MRTFB: variants seen among roughly 807,000 people sequenced by gnomAD.
MRTFB encodes myocardin related transcription factor B.
In MRTFB, 29 loss-of-function variants were observed where a neutral mutation model predicts 104.2. The ratio of observed to expected loss-of-function variants is 0.28; its 90% CI spans 0.21 to 0.38. The LOEUF (loss-of-function observed/expected upper bound fraction) is 0.38. Ranked by LOEUF, MRTFB falls within the 10% of genes least tolerant of loss-of-function variation. MRTFB has a pLI of 1.00. For missense variants in MRTFB, 1,270 were observed against 1,341.6 expected, an observed-to-expected ratio of 0.95 and a Z score of 0.83; for synonymous variants, 535 against 519.5, an observed-to-expected ratio of 1.03 and a Z score of -0.41.
chr16:14,142,092 A>G (rs9935889), intron 3 of MRTFB: 35,409 of 149,442 alleles, frequency 0.24, 7,859 homozygotes, highest in African/African-American at 0.58. Flanking sequence ...ACCCGCCTCG[A>G]CCTCCCAAAG....
At chr16:14,014,045 A>G in the MRTFB span, among the ~76,000 whole-genome samples, 1 of 152,208 alleles carries the variant, frequency 6.6e-6, no homozygotes, top group Non-Finnish European at 1.5e-5. Context: ...TCCACCATGA[A>G]AATATTCCCT....
At chr16:14,238,486 G>T (rs766658345) in intron 9 of MRTFB, among the ~76,000 whole-genome samples, 1 of 152,164 alleles carries the variant, frequency 6.6e-6, no homozygotes, top group East Asian at 1.9e-4. Context: ...GACAAAATAC[G>T]TGGTGGGTAT....
At chr16:14,144,779 C>A (rs1226415032) in intron 3 of MRTFB, 3 of 151,574 alleles carry the variant, frequency 2.0e-5, no homozygotes, top group Non-Finnish European at 4.4e-5. Flanking sequence ...GAAACCCCGT[C>A]TCTACTAAAA....
rs1410862503 is a variant in MRTFB at position 14,261,518 on chromosome 16, T to C, written c.*74T>C. Reference sequence around the variant, plus strand: ...ATTCTAAAAGGTCAGTTTTTAGAGATAGATCTATAGTTGCATTGTTGCAAT... The same window carrying C: ...ATTCTAAAAGGTCAGTTTTTAGAGACAGATCTATAGTTGCATTGTTGCAAT... On this transcript the variant is annotated 3_prime_UTR_variant, in exon 17 of 17. Coordinates refer to ENST00000571589, the MANE Select transcript of MRTFB (RefSeq NM_001308142.2). 14 of 1,388,758 alleles carry C rather than the reference T, an allele frequency of 1.0e-5. No individual in the cohort carries two copies. The highest frequency in any genetic ancestry group is 2.1e-4 in the Middle Eastern group (1 of 4,766). 86.0% of individuals were successfully genotyped at this position (1,388,758 alleles called of 1,614,324 possible).
In MRTFB at chr16:14,260,770, T is replaced by G; in HGVS notation, c.2765-139T>G. 4.4e-6 allele frequency: 3 copies of G among 678,922 alleles called. No homozygotes were observed. The South Asian group carries it at 6.0e-5, about 14-fold the overall frequency. 42.1% of individuals were successfully genotyped at this position (678,922 alleles called of 1,614,324 possible). A position where few individuals can be genotyped will look rare whatever the true frequency, so the allele number is the denominator to read the frequency against. On this transcript the variant is annotated intron_variant, in intron 16 of 16. Transcript: ENST00000571589. ...GTTGTCAAGGATTGTACCTGACCAATAGCATTCTCTTCCTACTTCTAAGAC... is the reference window on the plus strand; with the variant it reads ...GTTGTCAAGGATTGTACCTGACCAAGAGCATTCTCTTCCTACTTCTAAGAC...
At position 14,169,945 on chromosome 16, in the gene MRTFB, A is replaced by G. The variant is rs151075154; in HGVS notation, c.154+29185A>G. Among the ~76,000 whole-genome samples, 549 of 152,340 alleles carry G rather than the reference A, an allele frequency of 3.6e-3. 2 individuals are homozygous for G. Among genetic ancestry groups the G allele is most frequent in the Middle Eastern group, 6.8e-3 (2 of 294 alleles). ...TTAGGGGTTGGCCTTTTTTCATCAT[A>G]GATATAACACATGTTCATTATAGAC... On this transcript the variant is annotated intron_variant, in intron 3 of 16. Transcript: ENST00000571589.
intron 2 of MRTFB, among the ~76,000 whole-genome samples, chr16:14,134,502 C>T (rs1193066840): frequency 6.6e-6 from 1 of 152,198 alleles, no homozygotes; most frequent in South Asian, 2.1e-4. Flanking sequence ...TTTCCTTCAT[C>T]GGCCATGAAG....
chr16:14,056,904 C>A, the MRTFB span, among the ~76,000 whole-genome samples: 1 of 152,128 alleles, frequency 6.6e-6, no homozygotes, highest in Admixed American at 6.6e-5. Flanking sequence ...TCCCTCTTTC[C>A]CCTGTTTGTA....
chr16:14,213,763 C>A, intron 6 of MRTFB, 143 bp downstream of exon 6: 1 of 563,142 alleles, frequency 1.8e-6, no homozygotes, highest in Non-Finnish European at 3.0e-6. Flanking sequence ...CATGAAGACC[C>A]AAAACTAAAA....
intron 2 of MRTFB, among the ~76,000 whole-genome samples, chr16:14,098,383 T>G (rs540320577): frequency 6.6e-6 from 1 of 152,198 alleles, no homozygotes; most frequent in Non-Finnish European, 1.5e-5. Context: ...TGGTAAAGTA[T>G]CAAATCTTTT....
At chr16:14,240,718 G>C (rs778915124) in intron 10 of MRTFB, 1 of 804,928 alleles carries the variant, frequency 1.2e-6, no homozygotes, top group South Asian at 1.3e-5. Context: ...AGTTAGAAAT[G>C]CCTTTTCACA....
chr16:14,246,969 A>G lies in MRTFB; in HGVS notation c.1709A>G (p.Lys570Arg). The G allele has an allele frequency of 6.2e-7, 1 of 1,614,140 alleles. No individual in the cohort carries two copies. The highest frequency in any genetic ancestry group is 8.5e-7 in the Non-Finnish European group (1 of 1,180,046). Residue 570 changes from lysine (K) to arginine (R), a missense_variant, in exon 12 of 17, where the codon AAG (lysine) becomes AGG (arginine). This residue lies in a region of MRTFB where 1,144 missense variants were observed against 1,131.5 expected (regional missense o/e 1.01). Transcript: ENST00000571589. ...AACCTGGAACTGGATGCAGCCGAAA[A>G]GGATCGCAAGCTTCAGGAGAAAGAG... is the stretch of plus-strand genomic sequence containing the variant. The part of the protein sequence containing the change: ...LSNLELDAAE[K>R]DRKLQEKEKQ...
chr16:14,016,598 C>T, the MRTFB span, among the ~76,000 whole-genome samples: 4 of 151,886 alleles, frequency 2.6e-5, no homozygotes, highest in Non-Finnish European at 4.4e-5. Context: ...CATGGAGAAA[C>T]GCTGTCTCTA....
At chr16:14,005,814 C>G in the MRTFB span, among the ~76,000 whole-genome samples, 2 of 152,216 alleles carry the variant, frequency 1.3e-5, no homozygotes, top group Non-Finnish European at 2.9e-5. Flanking sequence ...TGTCCAGTTT[C>G]TGCAGCATTG....
At chr16:14,091,289 A>G (rs767173249) in intron 2 of MRTFB, among the ~76,000 whole-genome samples, 1 of 152,176 alleles carries the variant, frequency 6.6e-6, no homozygotes, top group Non-Finnish European at 1.5e-5. Flanking sequence ...CAGAAACCTC[A>G]CTCAAACTAT....
At chr16:14,014,942 C>T in the MRTFB span, among the ~76,000 whole-genome samples, 2 of 152,184 alleles carry the variant, frequency 1.3e-5, no homozygotes, top group Admixed American at 1.3e-4. Context: ...TCCCCCAACA[C>T]CTCCACACTC....
At chr16:14,256,687 G>A (rs1044785934) in intron 15 of MRTFB, among the ~76,000 whole-genome samples, 5 of 152,166 alleles carry the variant, frequency 3.3e-5, no homozygotes, top group Non-Finnish European at 5.9e-5. Context: ...CCAACATCCT[G>A]GCTGCAACCT....
intron 1 of MRTFB, among the ~76,000 whole-genome samples, chr16:14,073,362 T>C (rs192852027): frequency 6.6e-6 from 1 of 152,206 alleles, no homozygotes. Flanking sequence ...AAAATGTTCC[T>C]TGGGGGCAGT....
intron 6 of MRTFB, 132 bp from the exon 7 acceptor site, chr16:14,216,994 T>C (rs1353964025): frequency 2.3e-6 from 2 of 881,100 alleles, no homozygotes; most frequent in Non-Finnish European, 1.6e-6. Context: ...AGTCATTTTC[T>C]CTTTCCATAA....
Sources: allele counts gnomAD v4.1 joint callset (sites outside exome capture counted in the v4.1 genomes callset), GRCh38; gene constraint gnomAD v4.1.1; regional missense constraint gnomAD v4.1.1; transcripts MANE v1.5; gene names NCBI Gene and HGNC (gene_info 2026-07-23, HGNC 2026-07-21).